DNAJC13: variants seen among roughly 807,000 people sequenced by gnomAD.
DNAJC13 encodes the protein DnaJ heat shock protein family (Hsp40) member C13, also known as dnaJ homolog subfamily C member 13.
Under a neutral mutation model 290.5 loss-of-function variants are expected in DNAJC13, and 75 were observed. The observed-to-expected ratio is 0.26, with a 90% CI of 0.21 to 0.31. The LOEUF is 0.31. Among genes scored for constraint, DNAJC13 ranks in the 10% least tolerant of loss-of-function variants. The pLI is 1.00. For missense variants in DNAJC13, 2,260 were observed against 2,674.5 expected, an observed-to-expected ratio of 0.85 and a Z score of 3.42; for synonymous variants, 862 against 892.0, an observed-to-expected ratio of 0.97 and a Z score of 0.60.
At chr3:132,490,500 C>T (rs1935029045) in intron 31 of DNAJC13, among the ~76,000 whole-genome samples, 1 of 152,182 alleles carries the variant, frequency 6.6e-6, no homozygotes, top group African/African-American at 2.4e-5. Flanking sequence ...TTTTTGAAAA[C>T]AGAAGCAAGT....
At chr3:132,468,376 A>G (rs566921842) in intron 20 of DNAJC13, among the ~76,000 whole-genome samples, 11 of 152,352 alleles carry the variant, frequency 7.2e-5, no homozygotes, top group African/African-American at 2.6e-4. Context: ...GATTACCAGA[A>G]TACGTAAGCA....
At chr3:132,461,380 C>T (rs1405633430) in intron 15 of DNAJC13, among the ~76,000 whole-genome samples, 175 bp downstream of exon 15, 1 of 151,438 alleles carries the variant, frequency 6.6e-6, no homozygotes, top group Non-Finnish European at 1.5e-5. Flanking sequence ...AATACACTAA[C>T]ACTAACAATA....
At chr3:132,469,627 A>G (rs1440584038) in intron 20 of DNAJC13, among the ~76,000 whole-genome samples, 1 of 152,204 alleles carries the variant, frequency 6.6e-6, no homozygotes, top group Non-Finnish European at 1.5e-5. Context: ...TAGAAAGTTT[A>G]GGAAAAGATT....
chr3:132,480,548 T>G, intron 26 of DNAJC13, 78 bp downstream of exon 26: 5 of 1,058,766 alleles, frequency 4.7e-6, no homozygotes, highest in Non-Finnish European at 7.1e-6. Flanking sequence ...CATAGAAATC[T>G]GAAAAGATGT....
At chr3:132,478,622 T>G (rs1211887176) in intron 24 of DNAJC13, among the ~76,000 whole-genome samples, 1 of 152,122 alleles carries the variant, frequency 6.6e-6, no homozygotes, top group African/African-American at 2.4e-5. Context: ...AATAAAAAAA[T>G]TAGTGGACGT....
intron 1 of DNAJC13, among the ~76,000 whole-genome samples, chr3:132,426,619 A>T (rs564649860): frequency 6.6e-6 from 1 of 152,162 alleles, no homozygotes; most frequent in Non-Finnish European, 1.5e-5. Context: ...TACCTGCTTG[A>T]TACTTGAGCT....
intron 54 of DNAJC13, among the ~76,000 whole-genome samples, chr3:132,530,734 T>C (rs1936390825): frequency 6.6e-6 from 1 of 152,262 alleles, no homozygotes; most frequent in Admixed American, 6.5e-5. Context: ...TTGAATTACA[T>C]ATAAGTCGGT....
At chr3:132,447,528 A>T in intron 4 of DNAJC13, 58 bp downstream of exon 4, 1 of 1,429,438 alleles carries the variant, frequency 7.0e-7, no homozygotes. Context: ...AAAATGAAGT[A>T]GTTACATAGA....
intron 41 of DNAJC13, among the ~76,000 whole-genome samples, chr3:132,504,112 A>G (rs1351470292): frequency 6.6e-6 from 1 of 152,282 alleles, no homozygotes; most frequent in African/African-American, 2.4e-5. Flanking sequence ...TGGCATAATT[A>G]TAGGCAGTTT....
intron 24 of DNAJC13, among the ~76,000 whole-genome samples, chr3:132,478,716 A>G (rs925327475): frequency 3.9e-5 from 6 of 152,166 alleles, no homozygotes; most frequent in Admixed American, 2.6e-4. Flanking sequence ...CTGTGATCAC[A>G]CTCCAGCCTG....
intron 50 of DNAJC13, 119 bp downstream of exon 50, chr3:132,523,318 C>G: frequency 7.7e-7 from 1 of 1,292,022 alleles, no homozygotes; most frequent in Non-Finnish European, 1.1e-6. Context: ...TGGGTATTCC[C>G]CTGGAAAATA....
chr3:132,520,123 G>T (rs1407377621), intron 48 of DNAJC13, among the ~76,000 whole-genome samples: 1 of 151,888 alleles, frequency 6.6e-6, no homozygotes, highest in African/African-American at 2.4e-5. Context: ...CATTTGGGTG[G>T]TGACACAGCC....
intron 34 of DNAJC13, 44 bp downstream of exon 34, chr3:132,494,303 A>C (rs1373691523): frequency 7.2e-7 from 1 of 1,388,794 alleles, no homozygotes; most frequent in Non-Finnish European, 1.0e-6. Context: ...TCCCACCTTA[A>C]AGTACCAGTA....
At chr3:132,468,784 G>A (rs1222422958) in intron 20 of DNAJC13, among the ~76,000 whole-genome samples, 1 of 152,224 alleles carries the variant, frequency 6.6e-6, no homozygotes, top group East Asian at 1.9e-4. Context: ...CTACAGATAT[G>A]AATGATTTTC....
chr3:132,453,696 T>G lies in DNAJC13; in HGVS notation c.840+2T>G. The G allele has an allele frequency of 6.2e-7, 1 of 1,602,512 alleles. No individual in the cohort carries two copies. The highest frequency in any genetic ancestry group is 8.5e-7 in the Non-Finnish European group (1 of 1,175,354). On this transcript the variant is annotated splice_donor_variant, in intron 8 of 55. Coordinates refer to ENST00000260818, the MANE Select transcript of DNAJC13 (RefSeq NM_015268.4). LOFTEE classifies it high-confidence loss of function. ...GCAACATTGAAGCCTTTAGGAGAAGTAAGTTTCAGCATTGTTAGCTTAAAT... is the reference window on the plus strand; with the variant it reads ...GCAACATTGAAGCCTTTAGGAGAAGGAAGTTTCAGCATTGTTAGCTTAAAT...
intron 33 of DNAJC13, 112 bp from the exon 34 acceptor site, chr3:132,494,032 G>A (rs1935149395): frequency 8.3e-6 from 6 of 727,032 alleles, no homozygotes; most frequent in Non-Finnish European, 1.3e-5. Flanking sequence ...GCTGTTAATT[G>A]GACAGCTAAA....
chr3:132,429,470 C>T (rs1344650575), intron 1 of DNAJC13, among the ~76,000 whole-genome samples: 2 of 152,070 alleles, frequency 1.3e-5, no homozygotes, highest in African/African-American at 4.8e-5. Context: ...AGAGTCATAC[C>T]TGTACTGCAG....
rs78228529 is a variant in DNAJC13, at chr3:132,496,318, A to C, written c.4021-210A>C. Among the ~76,000 whole-genome samples the C allele has an allele frequency of 6.0e-3, 910 of 152,268 alleles. 9 individuals carry two copies. The highest frequency in any genetic ancestry group is 0.03 in the East Asian group (154 of 5,190). On this transcript the variant is annotated intron_variant, in intron 35 of 55. Coordinates refer to ENST00000260818, the MANE Select transcript of DNAJC13 (RefSeq NM_015268.4). ...TAATATTCTTATTTGAAGAATTTTC[A>C]GTAAATGGTATTGAGATCATTAGAC...
intron 52 of DNAJC13, 59 bp downstream of exon 52, chr3:132,525,848 T>G: frequency 6.5e-7 from 1 of 1,549,216 alleles, no homozygotes; most frequent in South Asian, 1.2e-5. Context: ...GCTCCCTTCT[T>G]GACGGATATA....
Sources: gnomAD v4.1 joint callset for allele counts (sites outside exome capture counted in the v4.1 genomes callset) on GRCh38, gnomAD v4.1.1 for gene constraint, MANE v1.5 for transcripts, NCBI Gene and HGNC (gene_info 2026-07-23, HGNC 2026-07-21) for gene names.